The following PMP22 variants were observed in gnomAD, a reference collection of about 807,000 sequenced individuals.
The protein encoded by PMP22 is peripheral myelin protein 22, also known as Charcot-Marie-Tooth neuropathy 1A (greatly reduced nerve conduction velocity, hereditary motor sensory neuropathy Ia).
In PMP22, 2 loss-of-function variants were observed where a neutral mutation model predicts 18.9. The observed-to-expected ratio is 0.11, with a 90% confidence interval of 0.04 to 0.33. PMP22 has a LOEUF of 0.33. Ranked by LOEUF, PMP22 falls within the 10% of genes least tolerant of loss-of-function variation. PMP22 has a pLI of 1.00. For synonymous variants in PMP22, 95 were observed against 89.2 expected (o/e 1.07, Z -0.37); for missense variants, 169 against 202.2 (o/e 0.84, Z 1.00).
chr17:15,253,527 A>G (rs1908548795), intron 3 of PMP22, among the ~76,000 whole-genome samples: 1 of 152,142 alleles, frequency 6.6e-6, no homozygotes, highest in Non-Finnish European at 1.5e-5. Context: ...CAAATGGACC[A>G]CTGAGAAACC....
intron 1 of PMP22, among the ~76,000 whole-genome samples, chr17:15,263,568 T>C (rs1909506568): frequency 8.4e-6 from 1 of 118,954 alleles, no homozygotes; most frequent in South Asian, 2.6e-4. Context: ...AATGCAGCAG[T>C]TCACGCACGC....
intron 4 of PMP22, among the ~76,000 whole-genome samples, chr17:15,233,767 G>T (rs1337372907): frequency 6.6e-6 from 1 of 152,162 alleles, no homozygotes; most frequent in African/African-American, 2.4e-5. Context: ...AATATAGTTC[G>T]ATGGAATTTC....
chr17:15,238,430 C>T, intron 4 of PMP22, among the ~76,000 whole-genome samples: 1 of 152,146 alleles, frequency 6.6e-6, no homozygotes, highest in East Asian at 1.9e-4. Context: ...TGACAACCAA[C>T]TCAGAGAAGA....
intron 3 of PMP22, among the ~76,000 whole-genome samples, chr17:15,254,786 C>T (rs997076067): frequency 3.3e-5 from 5 of 152,018 alleles, no homozygotes; most frequent in African/African-American, 9.7e-5. Flanking sequence ...GGAGAAAGCC[C>T]GTCTCTACTA....
chr17:15,238,147 C>T (rs190832089), intron 4 of PMP22, among the ~76,000 whole-genome samples: 3 of 152,290 alleles, frequency 2.0e-5, no homozygotes, highest in Non-Finnish European at 4.4e-5. Flanking sequence ...CATCCAGGAG[C>T]TTGGCTTGGT....
chr17:15,256,382 C>T (rs893498448), intron 3 of PMP22, among the ~76,000 whole-genome samples: 2 of 152,186 alleles, frequency 1.3e-5, no homozygotes, highest in East Asian at 1.9e-4. Context: ...GTGGCTCACA[C>T]CTCTAATCCC....
intron 3 of PMP22, among the ~76,000 whole-genome samples, chr17:15,241,884 T>C (rs1387913103): frequency 6.6e-6 from 1 of 152,228 alleles, no homozygotes; most frequent in Non-Finnish European, 1.5e-5. Flanking sequence ...AAGATGGTTT[T>C]CAACCATAAG....
In PMP22 at chr17:15,230,916, C is replaced by T. The variant is rs1221643686; in HGVS notation, c.*1G>A. The T allele has an allele frequency of 3.7e-6, 6 of 1,613,894 alleles. No homozygotes were observed. In the East Asian group the frequency reaches 1.3e-4, roughly 36 times the overall value. ...AGCCTCAGACAGACCGTCTGGGCGCCTCATTCGCGTTTCCGCAAGATCACA... is the reference window on the plus strand; with the variant it reads ...AGCCTCAGACAGACCGTCTGGGCGCTTCATTCGCGTTTCCGCAAGATCACA... On this transcript the variant is annotated 3_prime_UTR_variant, in exon 5 of 5. Coordinates refer to ENST00000312280, the MANE Select transcript of PMP22 (RefSeq NM_000304.4).
chr17:15,247,294 G>A (rs546217706), intron 3 of PMP22, among the ~76,000 whole-genome samples: 49 of 152,204 alleles, frequency 3.2e-4, no homozygotes, highest in African/African-American at 8.2e-4. Context: ...GTGTGAACCC[G>A]GGAGGTGGAG....
chr17:15,261,865 G>A lies in PMP22; in HGVS notation c.-34-1104C>T, dbSNP rs1283763831. 1 of 152,218 alleles carries A rather than the reference G, an allele frequency of 6.6e-6. No homozygotes were observed. The highest frequency in any genetic ancestry group is 1.5e-5 in the Non-Finnish European group (1 of 68,052). 9.4% of individuals were successfully genotyped at this position (152,218 alleles called of 1,614,324 possible). A position where few individuals can be genotyped will look rare whatever the true frequency, so the allele number is the denominator to read the frequency against. ...CTGTGAAAGATCTGGCTGAGACTCT[G>A]GGGACCATTTTAGGCAGAGTCTTGG... On this transcript the variant is annotated intron_variant, in intron 1 of 4. Coordinates refer to ENST00000312280, the MANE Select transcript of PMP22 (RefSeq NM_000304.4). The surrounding 1 kb of genome is among the most constrained non-coding windows in gnomAD (Gnocchi z 5.2).
At chr17:15,248,209 A>G (rs1325117314) in intron 3 of PMP22, among the ~76,000 whole-genome samples, 1 of 152,198 alleles carries the variant, frequency 6.6e-6, no homozygotes, top group Non-Finnish European at 1.5e-5. Flanking sequence ...CCTATGATTC[A>G]TGCGGAAAGC....
At chr17:15,237,731 A>T (rs1906932796) in intron 4 of PMP22, among the ~76,000 whole-genome samples, 1 of 152,228 alleles carries the variant, frequency 6.6e-6, no homozygotes. Flanking sequence ...GGTGGGCTCA[A>T]ATTATTCATC....
intron 3 of PMP22, among the ~76,000 whole-genome samples, chr17:15,255,960 T>C (rs1436816554): frequency 6.6e-6 from 1 of 152,132 alleles, no homozygotes; most frequent in Non-Finnish European, 1.5e-5. Flanking sequence ...GCAAGGCCCA[T>C]GCATTCCAGA....
At chr17:15,263,071 C>A (rs1357116297) in intron 1 of PMP22, among the ~76,000 whole-genome samples, 1 of 152,218 alleles carries the variant, frequency 6.6e-6, no homozygotes, top group East Asian at 1.9e-4. Context: ...ACACCTGCCC[C>A]GCGCCGGTCC....
chr17:15,264,832 C>G (rs1232109656), intron 1 of PMP22, among the ~76,000 whole-genome samples: 1 of 152,190 alleles, frequency 6.6e-6, no homozygotes, highest in Non-Finnish European at 1.5e-5. Context: ...AACCTGCTTA[C>G]CAAGGCCACC....
intron 3 of PMP22, among the ~76,000 whole-genome samples, chr17:15,245,802 C>G (rs1907748897): frequency 6.6e-6 from 1 of 151,404 alleles, no homozygotes; most frequent in African/African-American, 2.4e-5. Context: ...GTCAGGAGAT[C>G]GAGACCATGC....
At position 15,264,255 on chromosome 17, in the gene PMP22, T is replaced by TAGATAGATAGATAG. The variant is rs9303128; in HGVS notation, c.-35+898_-35+899insCTATCTATCTATCT. 6.2e-3 allele frequency among the ~76,000 whole-genome samples: 932 copies of TAGATAGATAGATAG among 150,230 alleles called. 3 individuals carry two copies. The highest frequency in any genetic ancestry group is 0.01 in the East Asian group (52 of 5,020). ...GTAGATAGATAGATAGATAGATAGA[T>TAGATAGATAGATAG]ATAGATAGATAGATAAAGATTTATA... is the stretch of plus-strand genomic sequence containing the variant. On this transcript the variant is annotated intron_variant, in intron 1 of 4. Coordinates refer to ENST00000312280, the MANE Select transcript of PMP22 (RefSeq NM_000304.4).
In PMP22 at chr17:15,229,829, T is replaced by C. The variant is rs893374054; in HGVS notation, c.*1088A>G. ...TGCATCTTAGTCCACACAGTTGGTA[T>C]AAAATCAGAAAATGCAAAGCAAAAA... On this transcript the variant is annotated 3_prime_UTR_variant, in exon 5 of 5. Coordinates refer to ENST00000312280, the MANE Select transcript of PMP22 (RefSeq NM_000304.4). The C allele has an allele frequency of 1.3e-5, 2 of 152,664 alleles. No homozygotes were observed. The highest frequency in any genetic ancestry group is 1.5e-5 in the Non-Finnish European group (1 of 68,060). The allele number at this position is 152,664 out of a possible 1,614,324, so 9.5% of individuals were successfully genotyped here.
intron 4 of PMP22, among the ~76,000 whole-genome samples, chr17:15,233,195 A>G (rs935430256): frequency 6.6e-6 from 1 of 152,218 alleles, no homozygotes; most frequent in African/African-American, 2.4e-5. Context: ...TCACTTTCTC[A>G]GCAACCAGTA....
Sources: gnomAD v4.1 joint callset for allele counts (sites outside exome capture counted in the v4.1 genomes callset) on GRCh38, gnomAD v4.1.1 for gene constraint, Gnocchi (gnomAD v3.1) non-coding constraint, MANE v1.5 for transcripts, NCBI Gene and HGNC (gene_info 2026-07-23, HGNC 2026-07-21) for gene names.